LAMA5: variants seen among roughly 807,000 people sequenced by gnomAD.
LAMA5 encodes laminin subunit alpha 5.
A neutral mutation model predicts 433.4 loss-of-function variants in LAMA5; 260 were observed. The observed-to-expected ratio is 0.60, with a 90% CI of 0.54 to 0.66. The LOEUF is 0.66. Ranked by LOEUF, LAMA5 falls within the 30% of genes least tolerant of loss-of-function variation. LAMA5 has a pLI of 0.00. For synonymous variants in LAMA5, 2,620 were observed against 2,226.6 expected (o/e 1.18, Z -4.97); for missense variants, 5,378 against 5,258.5 (o/e 1.02, Z -0.70).
chr20:62,365,085 G>C (rs1326821087), intron 1 of LAMA5, among the ~76,000 whole-genome samples: 3 of 152,286 alleles, frequency 2.0e-5, no homozygotes, highest in Admixed American at 2.0e-4. Flanking sequence ...ACGTCTACCA[G>C]CTGATCTTTC....
At position 62,318,480 on chromosome 20, in the gene LAMA5, T is replaced by C. The variant is rs982485654; in HGVS notation, c.7213A>G (p.Asn2405Asp). 6.2e-7 allele frequency: 1 copy of C among 1,603,194 alleles called. No individual in the cohort carries two copies. Among genetic ancestry groups the C allele is most frequent in the Non-Finnish European group, 8.5e-7 (1 of 1,176,742 alleles). Residue 2405 changes from asparagine (N) to aspartate (D), a missense_variant, in exon 53 of 80, where the codon AAC becomes GAC. By Grantham distance (23) the Asn-to-Asp change is conservative. Transcript: ENST00000252999. ...TREAQELNSR[N>D]QERLEEALQR... ...AGGGCTTCCTCCAGGCGCTCCTGGT[T>C]GCGGCTGTTGAGCTCCTGGGCCTCC...
rs551943373 is a variant in LAMA5 at position 62,314,779 on chromosome 20, C to A, written c.8196+20G>T. 6.2e-7 allele frequency: 1 copy of A among 1,612,862 alleles called. No individual in the cohort carries two copies. On this transcript the variant is annotated intron_variant, in intron 60 of 79. Transcript: ENST00000252999. ...CACCACCCTCCCTGATGTCCACCTT[C>A]CCCTGGGACTCTCACCCACCTTACT...
At position 62,315,934 on chromosome 20, in the gene LAMA5, C is replaced by G; in HGVS notation, c.7867+14G>C. ...GTCGGCCGGCTGCGAGAGCCGGGCCCAGGCTCCGCATACCTGTGTCCATGG... is the reference window on the plus strand; with the variant it reads ...GTCGGCCGGCTGCGAGAGCCGGGCCGAGGCTCCGCATACCTGTGTCCATGG... On this transcript the variant is annotated intron_variant, in intron 58 of 79. Coordinates refer to ENST00000252999, the MANE Select transcript of LAMA5 (RefSeq NM_005560.6). 1 of 1,569,000 alleles carries G rather than the reference C, an allele frequency of 6.4e-7. No homozygotes were observed.
At chr20:62,310,348 G>A in intron 76 of LAMA5, 37 bp from the exon 77 acceptor site, 5 of 1,573,620 alleles carry the variant, frequency 3.2e-6, no homozygotes, top group South Asian at 2.4e-5. Flanking sequence ...GAAAGGGGGG[G>A]CCCCTCCCCA....
chr20:62,328,259 G>A lies in LAMA5; in HGVS notation c.4634C>T (p.Thr1545Ile), dbSNP rs1031733995. 1 of 1,607,074 alleles carries A rather than the reference G, an allele frequency of 6.2e-7. No homozygotes were observed. Among genetic ancestry groups the A allele is most frequent in the Non-Finnish European group, 8.5e-7 (1 of 1,177,308 alleles). Residue 1545 changes from threonine (T) to isoleucine (I), a missense_variant, in exon 35 of 80, where the codon ACA (threonine) becomes ATA (isoleucine). By Grantham distance (89) the Thr-to-Ile change is moderately conservative. Transcript: ENST00000252999. ...CTCTCACTTGCACTGGCCGCTGTCTGTGTCACAGGTAGGGTCTGTGAGCTC... is the reference window on the plus strand; with the variant it reads ...CTCTCACTTGCACTGGCCGCTGTCTATGTCACAGGTAGGGTCTGTGAGCTC... ...IQELTDPTCD[T>I]DSGQCKCRPN...
Position 62,314,457 on chromosome 20 carries a change from C to T in LAMA5, c.8368-17G>A. On this transcript the variant is annotated splice_polypyrimidine_tract_variant and intron_variant, in intron 61 of 79. Transcript: ENST00000252999. ...CCCAGTGGCCTGCGGCAGTGACAGA[C>T]ACACAGTCGGGATGGGGACCGGGGA... 2 of 1,610,642 alleles carry T rather than the reference C, an allele frequency of 1.2e-6. No individual in the cohort carries two copies. The highest frequency in any genetic ancestry group is 1.1e-5 in the South Asian group (1 of 91,078).
At chr20:62,314,254 G>C in intron 62 of LAMA5, 50 bp downstream of exon 62, 1 of 1,589,082 alleles carries the variant, frequency 6.3e-7, no homozygotes, top group Non-Finnish European at 8.6e-7. Context: ...TGGCGAACGG[G>C]CAAGGGCCCT....
chr20:62,345,328 A>AC (rs1983191096), intron 11 of LAMA5: 1 of 124,994 alleles, frequency 8.0e-6, no homozygotes, highest in Non-Finnish European at 1.7e-5. Flanking sequence ...TTTTTTTTCT[A>AC]TTTTTTTTTT....
chr20:62,319,622 C>CA (rs1987447149), intron 51 of LAMA5, 62 bp downstream of exon 51: 1 of 1,257,730 alleles, frequency 8.0e-7, no homozygotes, highest in Admixed American at 2.1e-5. Flanking sequence ...CAGGCACCCC[C>CA]ACCCCTACCC....
In LAMA5 at chr20:62,316,719, T is replaced by C. The variant is rs1258031080; in HGVS notation, c.7708A>G (p.Thr2570Ala). Residue 2570 changes from threonine to alanine, a missense_variant, in exon 57 of 80, where the codon ACT becomes GCT. Coordinates refer to ENST00000252999, the MANE Select transcript of LAMA5 (RefSeq NM_005560.6). The stretch of plus-strand genomic sequence containing the variant: ...TGGAGCATGGCCTCTTCTAGTGCAG[T>C]GCTGTTGGCCAGGAGCTGCTGGGCT... ...DRAQQLLANS[T>A]ALEEAMLQEQ... 6.2e-7 allele frequency: 1 copy of C among 1,609,872 alleles called. No homozygotes were observed. The highest frequency in any genetic ancestry group is 1.1e-5 in the South Asian group (1 of 90,844).
At chr20:62,338,406 C>A in intron 12 of LAMA5, 37 bp from the exon 13 acceptor site, 1 of 1,606,586 alleles carries the variant, frequency 6.2e-7, no homozygotes, top group South Asian at 1.1e-5. Flanking sequence ...TGGTCAGAGG[C>A]ACCAGGCCTC....
chr20:62,323,087 G>A (rs1291609701), intron 45 of LAMA5, among the ~76,000 whole-genome samples: 4 of 128,510 alleles, frequency 3.1e-5, no homozygotes, highest in Non-Finnish European at 5.0e-5. Flanking sequence ...TGGGGGGGGC[G>A]CTGGTCATGG....
chr20:62,345,514 C>T (rs753577107), intron 11 of LAMA5: 151 of 495,112 alleles, frequency 3.0e-4, no homozygotes, highest in Middle Eastern at 2.6e-3. Context: ...TCAAGCAATC[C>T]TTCCACCTCA....
chr20:62,324,110 C>T lies in LAMA5; in HGVS notation c.5738G>A (p.Cys1913Tyr). 6.6e-7 allele frequency: 1 copy of T among 1,518,118 alleles called. No homozygotes were observed. Among genetic ancestry groups the T allele is most frequent in the Non-Finnish European group, 8.8e-7 (1 of 1,135,774 alleles). The allele number at this position is 1,518,118 out of a possible 1,614,324, so 94.0% of individuals were successfully genotyped here. Residue 1913 changes from cysteine (C) to tyrosine (Y), a missense_variant, in exon 43 of 80, where the codon TGC becomes TAC. Transcript: ENST00000252999. This position sits in a 1 kb window ranked among gnomAD's most constrained non-coding sequence, Gnocchi z 4.4. ...GGAAGGCACTGAGAGGGGGCAGGGG[C>T]AGCTGACACAGGGGGCGCTGGGGTC... is the stretch of plus-strand genomic sequence containing the variant. Reference protein sequence around the residue: ...RDDPSAPCVSCPCPLSVPSNN... With the variant: ...RDDPSAPCVSYPCPLSVPSNN...
chr20:62,321,193 G>GT (rs1987677072), intron 48 of LAMA5, among the ~76,000 whole-genome samples: 3 of 119,124 alleles, frequency 2.5e-5, no homozygotes, highest in African/African-American at 9.8e-5. Flanking sequence ...CAGTGAAGGG[G>GT]TGGGGCCAGT....
rs557956312 is a variant in LAMA5, at chr20:62,319,733, A to G, written c.6822T>C (p.His2274=). Residue 2274 remains histidine (H), a synonymous_variant, in exon 51 of 80, where the codon CAT becomes CAC. Transcript: ENST00000252999. ...GGATGGCCGCCAACAGCGTCTTCGC[A>G]TGGCCCAGTGTGGCCTCGGTGCCGG... ...LLAGTEATLG[H]AKTLLAAIRA... 2 of 1,549,078 alleles carry G rather than the reference A, an allele frequency of 1.3e-6. No homozygotes were observed. Among genetic ancestry groups the G allele is most frequent in the South Asian group, 1.2e-5 (1 of 84,176 alleles).
At position 62,310,443 on chromosome 20, in the gene LAMA5, C is replaced by T. The variant is rs774635938; in HGVS notation, c.10576G>A (p.Gly3526Ser). 5.0e-6 allele frequency: 8 copies of T among 1,604,380 alleles called. No homozygotes were observed. The South Asian group carries it at 8.9e-5, about 18-fold the overall frequency. ...GPLEAGLFFP[G>S]SGGVITLDLP... ...CCTAAAGTGATAACTCCCCCGCTGC[C>T]TGGGAAGAACAGGCCCGCCTCCAGG... The change falls in exon 76 of 80, where the codon GGC (glycine) becomes AGC (serine). Residue 3526 changes from glycine (G) to serine (S), a missense_variant. Transcript: ENST00000252999.
rs773173276 is a variant in LAMA5 at position 62,324,232 on chromosome 20, T to C, written c.5644-28A>G. 6.3e-6 allele frequency: 10 copies of C among 1,578,154 alleles called. No individual in the cohort carries two copies. In the African/African-American group the frequency reaches 9.6e-5, roughly 15 times the overall value. ...GGGGCAGAGTGGACAGTCAGAGCTATGGTGGACACCCACATCCTACTGCCG... is the reference window on the plus strand; with the variant it reads ...GGGGCAGAGTGGACAGTCAGAGCTACGGTGGACACCCACATCCTACTGCCG... On this transcript the variant is annotated intron_variant, in intron 42 of 79. Transcript: ENST00000252999. This position sits in a 1 kb window ranked among gnomAD's most constrained non-coding sequence, Gnocchi z 4.4.
In LAMA5 at chr20:62,324,590, G is replaced by T. The variant is rs1239294518; in HGVS notation, c.5530-36C>A. ...ACGGGGGCAGGTGGCATCAGCGATT[G>T]AGAGGACGAGGGGCCCCACCCTGCA... is the stretch of plus-strand genomic sequence containing the variant. On this transcript the variant is annotated intron_variant, in intron 41 of 79. Transcript: ENST00000252999. The surrounding 1 kb of genome is among the most constrained non-coding windows in gnomAD (Gnocchi z 4.4). 3 of 1,486,286 alleles carry T rather than the reference G, an allele frequency of 2.0e-6. No individual in the cohort carries two copies. The highest frequency in any genetic ancestry group is 2.3e-5 in the South Asian group (2 of 85,584). The allele number at this position is 1,486,286 out of a possible 1,614,324, so 92.1% of individuals were successfully genotyped here. A position where few individuals can be genotyped will look rare whatever the true frequency, so the allele number is the denominator to read the frequency against.
Sources: allele counts gnomAD v4.1 joint callset (sites outside exome capture counted in the v4.1 genomes callset), GRCh38; gene constraint gnomAD v4.1.1; non-coding constraint Gnocchi (gnomAD v3.1); transcripts MANE v1.5; gene names NCBI Gene and HGNC (gene_info 2026-07-23, HGNC 2026-07-21).